CTNNA1: variants seen among roughly 807,000 people sequenced by gnomAD.
The protein encoded by CTNNA1 is catenin alpha 1.
A neutral mutation model predicts 98.4 loss-of-function variants in CTNNA1; 37 were observed. The observed-to-expected ratio is 0.38, with a 90% confidence interval of 0.29 to 0.49. The LOEUF (loss-of-function observed/expected upper bound fraction) is 0.49. Ranked by LOEUF, CTNNA1 falls within the 20% of genes least tolerant of loss-of-function variation. CTNNA1 has a pLI of 0.95. For synonymous variants in CTNNA1, 404 were observed against 413.2 expected, an observed-to-expected ratio of 0.98 and a Z score of 0.27; for missense variants, 761 against 1,147.2, an observed-to-expected ratio of 0.66 and a Z score of 4.86.
At chr5:138,802,416 C>T (rs1757672222) in intron 3 of CTNNA1, among the ~76,000 whole-genome samples, 1 of 152,082 alleles carries the variant, frequency 6.6e-6, no homozygotes, top group South Asian at 2.1e-4. Flanking sequence ...TCAATCGATT[C>T]TCCTACCTTG....
Position 138,906,869 on chromosome 5 carries a change from C to G in CTNNA1, c.1389+2428C>G, listed in dbSNP as rs985607047. 2.0e-5 allele frequency among the ~76,000 whole-genome samples: 3 copies of G among 152,280 alleles called. No homozygotes were observed. The South Asian group carries it at 6.2e-4, about 32-fold the overall frequency. ...AAACTGCTATGCACACAGGACTGGGCAGGTTCAGTAATGGCAAATAAAGTA... is the reference window on the plus strand; with the variant it reads ...AAACTGCTATGCACACAGGACTGGGGAGGTTCAGTAATGGCAAATAAAGTA... On this transcript the variant is annotated intron_variant, in intron 10 of 17. Transcript: ENST00000302763.
intron 1 of CTNNA1, chr5:138,754,266 AG>A (rs1751370889): frequency 6.6e-6 from 1 of 151,664 alleles, no homozygotes; most frequent in Non-Finnish European, 1.5e-5. Context: ...TGACTTTTAA[AG>A]GAGCGTGTGT....
chr5:138,790,004 C>T (rs914640277), intron 3 of CTNNA1, among the ~76,000 whole-genome samples: 4 of 152,096 alleles, frequency 2.6e-5, no homozygotes, highest in Non-Finnish European at 4.4e-5. Context: ...CTGGGCAATA[C>T]AGAATATGAG....
At chr5:138,816,593 T>C (rs1327559589) in intron 5 of CTNNA1, among the ~76,000 whole-genome samples, 1 of 152,242 alleles carries the variant, frequency 6.6e-6, no homozygotes, top group East Asian at 1.9e-4. Context: ...TGATAACCTC[T>C]TGGAGGTTTT....
At chr5:138,776,089 CAG>C (rs1029081607) in intron 1 of CTNNA1, among the ~76,000 whole-genome samples, 2 of 129,918 alleles carry the variant, frequency 1.5e-5, no homozygotes, top group African/African-American at 5.8e-5. Context: ...GTGTTTCTCA[CAG>C]AGGGGGATTT....
chr5:138,883,247 T>C (rs545195654), intron 7 of CTNNA1, among the ~76,000 whole-genome samples: 1 of 152,316 alleles, frequency 6.6e-6, no homozygotes, highest in South Asian at 2.1e-4. Context: ...TGTGTACTCA[T>C]CTCTATTACA....
chr5:138,931,036 T>G, intron 16 of CTNNA1, 101 bp downstream of exon 16: 1 of 724,218 alleles, frequency 1.4e-6, no homozygotes. Context: ...ACAGCACTTT[T>G]GCCACTCATC....
chr5:138,834,979 A>G (rs991509567), intron 7 of CTNNA1, among the ~76,000 whole-genome samples: 1 of 152,126 alleles, frequency 6.6e-6, no homozygotes, highest in African/African-American at 2.4e-5. Context: ...GATCTTATGA[A>G]GTACATTGTC....
At chr5:138,931,688 G>A (rs13178601) in intron 16 of CTNNA1, 288,982 of 985,168 alleles carry the variant, frequency 0.29, 42,904 homozygotes, top group African/African-American at 0.37. Flanking sequence ...CCGATTTCCT[G>A]TTCTTTCCTC....
At chr5:138,859,267 C>T (rs1284850335) in intron 7 of CTNNA1, among the ~76,000 whole-genome samples, 1 of 152,164 alleles carries the variant, frequency 6.6e-6, no homozygotes, top group African/African-American at 2.4e-5. Flanking sequence ...TCCCTTGAAA[C>T]CTATCCTTTT....
rs943214439 is a variant in CTNNA1, at chr5:138,846,759, T to TA, written c.1062+19050dup. ...GAAGGATTGCTGAATTAAAAATAGT[T>TA]AAAAAAAAACCCCTCAAATTATACT... is the stretch of plus-strand genomic sequence containing the variant. On this transcript the variant is annotated intron_variant, in intron 7 of 17. Transcript: ENST00000302763. Among the ~76,000 whole-genome samples the TA allele has an allele frequency of 2.5e-3, 378 of 152,026 alleles. 2 individuals carry two copies. Among genetic ancestry groups the TA allele is most frequent in the African/African-American group, 8.5e-3 (353 of 41,416 alleles).
chr5:138,871,634 C>A (rs1750634240), intron 7 of CTNNA1: 1 of 152,166 alleles, frequency 6.6e-6, no homozygotes, highest in Non-Finnish European at 1.5e-5. Flanking sequence ...TCCAGCTAAC[C>A]TGAGAGTCAG....
At chr5:138,872,812 G>A (rs900912144) in intron 7 of CTNNA1, 1 of 469,124 alleles carries the variant, frequency 2.1e-6, no homozygotes, top group Admixed American at 3.8e-5. Context: ...AAATTAATGT[G>A]AGCATTGATT....
intron 7 of CTNNA1, among the ~76,000 whole-genome samples, chr5:138,868,593 G>A (rs1211922498): frequency 1.3e-5 from 2 of 152,216 alleles, no homozygotes; most frequent in Admixed American, 6.5e-5. Flanking sequence ...TCAGAGAGGG[G>A]CAGCCAACTC....
At position 138,873,690 on chromosome 5, in the gene CTNNA1, T is replaced by C; in HGVS notation, c.1063-12522T>C. ...GAGTTTAAGATCTTGGAATCAAGGC[T>C]GTTTAACTTGTTGTTATCCATGAGG... On this transcript the variant is annotated intron_variant, in intron 7 of 17. Coordinates refer to ENST00000302763, the MANE Select transcript of CTNNA1 (RefSeq NM_001903.5). The surrounding 1 kb of genome is among the most constrained non-coding windows in gnomAD (Gnocchi z 6.1). The C allele has an allele frequency of 6.2e-7, 1 of 1,614,058 alleles. No homozygotes were observed. The highest frequency in any genetic ancestry group is 2.2e-5 in the East Asian group (1 of 44,884).
Position 138,801,601 on chromosome 5 carries a change from G to A in CTNNA1, c.302-8437G>A, listed in dbSNP as rs554677441. ...TGTACAAATAGCTGCATAAATAACC[G>A]ATGTGCATCATGACCAGTCATGTCA... On this transcript the variant is annotated intron_variant, in intron 3 of 17. Coordinates refer to ENST00000302763, the MANE Select transcript of CTNNA1 (RefSeq NM_001903.5). Among the ~76,000 whole-genome samples the A allele has an allele frequency of 7.2e-4, 110 of 152,296 alleles. 1 individual carries two copies. Among genetic ancestry groups the A allele is most frequent in the African/African-American group, 2.5e-3 (102 of 41,556 alleles).
At chr5:138,897,623 G>T (rs1757168162) in intron 9 of CTNNA1, among the ~76,000 whole-genome samples, 2 of 152,102 alleles carry the variant, frequency 1.3e-5, no homozygotes, top group Non-Finnish European at 2.9e-5. Flanking sequence ...TTTCACGAGA[G>T]AAGTTAGCTG....
At position 138,809,919 on chromosome 5, in the gene CTNNA1, T is replaced by A. The variant is rs1410769783; in HGVS notation, c.302-119T>A. The A allele has an allele frequency of 3.0e-6, 4 of 1,328,792 alleles. No individual in the cohort carries two copies. In the African/African-American group the frequency reaches 4.4e-5, roughly 15 times the overall value. The allele number at this position is 1,328,792 out of a possible 1,614,324, so 82.3% of individuals were successfully genotyped here. On this transcript the variant is annotated intron_variant, in intron 3 of 17. Transcript: ENST00000302763. ...AGCAAACAACAACAAAAATGAAAAC[T>A]CTTAAACTAAATTTGTGCATGAAAT...
chr5:138,930,718 C>T (rs556496794), intron 15 of CTNNA1, 64 bp downstream of exon 15: 25 of 1,570,894 alleles, frequency 1.6e-5, no homozygotes, highest in Admixed American at 5.1e-5. Context: ...AGGTCACCTG[C>T]GCAGCGGCTC....
Sources: gnomAD v4.1 joint callset for allele counts (sites outside exome capture counted in the v4.1 genomes callset) on GRCh38, gnomAD v4.1.1 for gene constraint, Gnocchi (gnomAD v3.1) non-coding constraint, MANE v1.5 for transcripts, NCBI Gene and HGNC (gene_info 2026-07-23, HGNC 2026-07-21) for gene names.